The following SSH2 variants were observed in gnomAD, a reference collection of about 807,000 sequenced individuals.
SSH2 encodes protein phosphatase Slingshot homolog 2.
SSH2 carries 37 observed loss-of-function variants against 135.2 expected under a neutral mutation model. The ratio of observed to expected loss-of-function variants is 0.27; its 90% CI spans 0.21 to 0.36. The LOEUF is 0.36. SSH2 is among the 10% of genes least tolerant of loss of function. SSH2 has a pLI of 1.00. For synonymous variants in SSH2, 628 were observed against 646.2 expected, an observed-to-expected ratio of 0.97 and a Z score of 0.43; for missense variants, 1,408 against 1,765.3, an observed-to-expected ratio of 0.80 and a Z score of 3.63.
chr17:29,791,480 A>G (rs2042063371), intron 3 of SSH2, among the ~76,000 whole-genome samples: 1 of 152,222 alleles, frequency 6.6e-6, no homozygotes, highest in South Asian at 2.1e-4. Flanking sequence ...TTCCTACTAC[A>G]AGCTACATTT....
chr17:29,756,809 C>T lies in SSH2; in HGVS notation c.188+37085G>A, dbSNP rs529905758. Reference sequence around the variant, plus strand: ...AGCTGGGACTACAGGTGCGTGACACCATGGCTGGCTACTTTTTTTGTATTT... The same window carrying T: ...AGCTGGGACTACAGGTGCGTGACACTATGGCTGGCTACTTTTTTTGTATTT... On this transcript the variant is annotated intron_variant, in intron 3 of 15. Transcript: ENST00000540801. 4.6e-5 allele frequency among the ~76,000 whole-genome samples: 7 copies of T among 152,058 alleles called. No individual in the cohort carries two copies. The South Asian group carries it at 1.5e-3, about 32-fold the overall frequency.
In SSH2 at chr17:29,656,085, G is replaced by A. The variant is rs1401191415; in HGVS notation, c.1033-478C>T. Among the ~76,000 whole-genome samples the A allele has an allele frequency of 2.0e-5, 3 of 152,194 alleles. No homozygotes were observed. The East Asian group carries it at 5.8e-4, about 29-fold the overall frequency. On this transcript the variant is annotated intron_variant, in intron 11 of 15. Coordinates refer to ENST00000540801, the MANE Select transcript of SSH2 (RefSeq NM_001282129.2). Reference sequence around the variant, plus strand: ...ACCCACGCACCTTGCACAGTGCCTGGCACCTGGCAGGTGCTCAATAAACAT... The same window carrying A: ...ACCCACGCACCTTGCACAGTGCCTGACACCTGGCAGGTGCTCAATAAACAT...
chr17:29,749,557 C>A (rs1329350245), intron 3 of SSH2, among the ~76,000 whole-genome samples: 2 of 152,086 alleles, frequency 1.3e-5, no homozygotes, highest in African/African-American at 4.8e-5. Context: ...AAGTGGTACA[C>A]CTGTAAGGGG....
chr17:29,908,651 T>C (rs989531549), intron 1 of SSH2, among the ~76,000 whole-genome samples: 8 of 149,776 alleles, frequency 5.3e-5, no homozygotes, highest in African/African-American at 1.7e-4. Context: ...GTAATCCCAG[T>C]TACTCGGGAG....
At chr17:29,725,798 T>C (rs964064456) in intron 3 of SSH2, among the ~76,000 whole-genome samples, 5 of 152,034 alleles carry the variant, frequency 3.3e-5, no homozygotes, top group African/African-American at 1.2e-4. Context: ...ATCTAATCCA[T>C]GTGGGGCTTA....
At chr17:29,733,466 T>G (rs2040264400) in intron 3 of SSH2, among the ~76,000 whole-genome samples, 1 of 152,246 alleles carries the variant, frequency 6.6e-6, no homozygotes, top group Admixed American at 6.5e-5. Flanking sequence ...TTATGAAATT[T>G]CTTCTGCAGG....
chr17:29,758,473 G>C (rs544236724), intron 3 of SSH2, among the ~76,000 whole-genome samples: 1 of 152,232 alleles, frequency 6.6e-6, no homozygotes, highest in South Asian at 2.1e-4. Flanking sequence ...CTGTGAAAAT[G>C]GTCAATAAAC....
intron 3 of SSH2, among the ~76,000 whole-genome samples, chr17:29,725,529 A>C (rs2039974198): frequency 6.6e-6 from 1 of 152,218 alleles, no homozygotes; most frequent in African/African-American, 2.4e-5. Flanking sequence ...CTGGATAAAG[A>C]AAATGTGGCA....
intron 1 of SSH2, among the ~76,000 whole-genome samples, chr17:29,861,580 T>A (rs2065765308): frequency 1.3e-5 from 2 of 151,936 alleles, no homozygotes; most frequent in Non-Finnish European, 2.9e-5. Context: ...CTTTTTTTTT[T>A]CTTGAGACGG....
At chr17:29,807,499 C>A (rs1023243864) in intron 2 of SSH2, among the ~76,000 whole-genome samples, 1 of 152,156 alleles carries the variant, frequency 6.6e-6, no homozygotes, top group African/African-American at 2.4e-5. Flanking sequence ...TGAAACAGTA[C>A]CATACTCAAG....
At chr17:29,655,644 C>T in intron 11 of SSH2, 37 bp from the exon 12 acceptor site, 1 of 1,574,588 alleles carries the variant, frequency 6.4e-7, no homozygotes, top group Non-Finnish European at 8.7e-7. Flanking sequence ...GGAGTATTAG[C>T]AAATCAACCA....
intron 14 of SSH2, among the ~76,000 whole-genome samples, chr17:29,640,089 T>G (rs561366150): frequency 0.013 from 2,014 of 151,894 alleles, 35 homozygotes; most frequent in Middle Eastern, 0.048. Flanking sequence ...TTTTTGTTTT[T>G]TTTTTTTGAG....
chr17:29,805,345 C>T (rs1272630260), intron 2 of SSH2, among the ~76,000 whole-genome samples: 5 of 151,818 alleles, frequency 3.3e-5, no homozygotes, highest in East Asian at 1.9e-4. Flanking sequence ...TTAGTAGAGA[C>T]GGGGTTTCAC....
At chr17:29,900,760 C>T in intron 1 of SSH2, among the ~76,000 whole-genome samples, 1 of 152,022 alleles carries the variant, frequency 6.6e-6, no homozygotes, top group East Asian at 1.9e-4. Context: ...ACCATTTGAC[C>T]CAGCCATCCC....
chr17:29,822,544 T>G lies in SSH2; in HGVS notation c.144+26305A>C, dbSNP rs567080781. Among the ~76,000 whole-genome samples the G allele has an allele frequency of 1.2e-4, 19 of 152,164 alleles. No homozygotes were observed. The East Asian group carries it at 3.5e-3, about 28-fold the overall frequency. On this transcript the variant is annotated intron_variant, in intron 2 of 15. Transcript: ENST00000540801. ...GCCTGGCTCATTTTTAAATTTTTTGTAGAGACGGAATCTTGCCATGTTTCC... is the reference window on the plus strand; with the variant it reads ...GCCTGGCTCATTTTTAAATTTTTTGGAGAGACGGAATCTTGCCATGTTTCC...
intron 1 of SSH2, among the ~76,000 whole-genome samples, chr17:29,897,389 C>T (rs183031828): frequency 3.9e-5 from 6 of 152,186 alleles, no homozygotes; most frequent in Admixed American, 2.0e-4. Flanking sequence ...GGAAACCCAA[C>T]TCATATGCAG....
chr17:29,916,469 C>CT (rs60472572), intron 1 of SSH2, among the ~76,000 whole-genome samples: 1,493 of 139,674 alleles, frequency 0.011, 21 homozygotes, highest in African/African-American at 0.029. Flanking sequence ...TTTTTTCTTT[C>CT]TTTTTTTTTT....
chr17:29,860,263 C>T (rs1034358308), intron 1 of SSH2, among the ~76,000 whole-genome samples: 2 of 152,142 alleles, frequency 1.3e-5, no homozygotes, highest in African/African-American at 4.8e-5. Flanking sequence ...ATCTCCTCAG[C>T]ATTTGTTATT....
At chr17:29,823,768 A>G (rs1419038583) in intron 2 of SSH2, among the ~76,000 whole-genome samples, 1 of 151,254 alleles carries the variant, frequency 6.6e-6, no homozygotes, top group Non-Finnish European at 1.5e-5. Flanking sequence ...AATCCCAGCT[A>G]CTCGGGAGGC....
Sources: gnomAD v4.1 joint callset for allele counts (sites outside exome capture counted in the v4.1 genomes callset) on GRCh38, gnomAD v4.1.1 for gene constraint, MANE v1.5 for transcripts, NCBI Gene and HGNC (gene_info 2026-07-23, HGNC 2026-07-21) for gene names.